The following CASZ1 variants were observed in gnomAD, a reference collection of about 807,000 sequenced individuals.
CASZ1 encodes the protein castor zinc finger 1, also known as zinc finger protein castor homolog 1.
In CASZ1, 28 loss-of-function variants were observed where a neutral mutation model predicts 135.2. The ratio of observed to expected loss-of-function variants is 0.21; its 90% CI spans 0.15 to 0.28. The LOEUF is 0.28. Among genes scored for constraint, CASZ1 ranks in the 10% least tolerant of loss-of-function variants. CASZ1 has a pLI of 1.00. For missense variants in CASZ1, 2,161 were observed against 2,453.3 expected (o/e 0.88, Z 2.52); for synonymous variants, 1,068 against 1,073.4 (o/e 0.99, Z 0.10).
chr1:10,678,787 G>T (rs2100350084), intron 4 of CASZ1, among the ~76,000 whole-genome samples: 1 of 151,704 alleles, frequency 6.6e-6, no homozygotes, highest in South Asian at 2.1e-4. Context: ...ACGCTATATC[G>T]CTATCCAATC....
At chr1:10,781,622 G>A (rs552296719) in intron 1 of CASZ1, among the ~76,000 whole-genome samples, 5 of 152,304 alleles carry the variant, frequency 3.3e-5, no homozygotes, top group Admixed American at 6.5e-5. Context: ...CTGGGATGAC[G>A]CTTCAGCCTG....
In CASZ1 at chr1:10,657,031, C is replaced by G. The variant is rs750206103; in HGVS notation, c.1410-295G>C. On this transcript the variant is annotated intron_variant, in intron 7 of 20. Coordinates refer to ENST00000377022, the MANE Select transcript of CASZ1 (RefSeq NM_001079843.3). This position sits in a 1 kb window ranked among gnomAD's most constrained non-coding sequence, Gnocchi z 5.7. ...GAAGGGAAGGCAGGCGCCCCCTCGG[C>G]TGCCCACCTGTCTTTTCTGCAGGGG... Among the ~76,000 whole-genome samples, 73 of 152,284 alleles carry G rather than the reference C, an allele frequency of 4.8e-4. No individual in the cohort carries two copies. The highest frequency in any genetic ancestry group is 1.1e-3 in the Admixed American group (17 of 15,308).
In CASZ1 at chr1:10,725,361, C is replaced by T. The variant is rs988498698; in HGVS notation, c.-76-19817G>A. On this transcript the variant is annotated intron_variant, in intron 2 of 20. Transcript: ENST00000377022. This position sits in a 1 kb window ranked among gnomAD's most constrained non-coding sequence, Gnocchi z 4.4. ...GAGCTCCCCTCCCGCCCTCCCTCTC[C>T]GGCAGGCTCCTCTCAAGTACTGAGC... Among the ~76,000 whole-genome samples, 4 of 152,152 alleles carry T rather than the reference C, an allele frequency of 2.6e-5. No individual in the cohort carries two copies. Among genetic ancestry groups the T allele is most frequent in the Non-Finnish European group, 4.4e-5 (3 of 67,996 alleles).
rs1250219424 is a variant in CASZ1, at chr1:10,637,517, C to T, written c.*1425G>A. ...GGGGAGGAGGCTTCTGGATGACAGC[C>T]TCCCCGCCAGCCTTCCATTCCCTCC... On this transcript the variant is annotated 3_prime_UTR_variant, in exon 21 of 21. Coordinates refer to ENST00000377022, the MANE Select transcript of CASZ1 (RefSeq NM_001079843.3). 6.6e-6 allele frequency: 1 copy of T among 152,366 alleles called. No individual in the cohort carries two copies. The highest frequency in any genetic ancestry group is 1.5e-5 in the Non-Finnish European group (1 of 68,054). The allele number at this position is 152,366 out of a possible 1,614,324, so 9.4% of individuals were successfully genotyped here. A position where few individuals can be genotyped will look rare whatever the true frequency, so the allele number is the denominator to read the frequency against.
intron 4 of CASZ1, among the ~76,000 whole-genome samples, chr1:10,670,946 G>A (rs1434922180): frequency 1.3e-5 from 2 of 152,228 alleles, no homozygotes; most frequent in African/African-American, 4.8e-5. Flanking sequence ...AGTTCTGTGG[G>A]AGGAATGGTT....
intron 1 of CASZ1, among the ~76,000 whole-genome samples, chr1:10,784,093 G>A (rs1366327089): frequency 1.3e-5 from 2 of 152,102 alleles, no homozygotes; most frequent in Non-Finnish European, 2.9e-5. Flanking sequence ...GGTCCTAAGT[G>A]GGAAAAGAAG....
intron 2 of CASZ1, among the ~76,000 whole-genome samples, chr1:10,729,901 C>T (rs1388334823): frequency 1.3e-5 from 2 of 150,948 alleles, no homozygotes; most frequent in Admixed American, 6.6e-5. Flanking sequence ...CTGCAACTTC[C>T]GCCTCCCAGG....
chr1:10,770,356 A>G (rs1640552995), intron 1 of CASZ1, among the ~76,000 whole-genome samples: 1 of 152,238 alleles, frequency 6.6e-6, no homozygotes, highest in Non-Finnish European at 1.5e-5. Context: ...AAGTGCTGGG[A>G]GTACAGGTGT....
rs78036358 is a variant in CASZ1 at position 10,721,638 on chromosome 1, C to T, written c.-76-16094G>A. On this transcript the variant is annotated intron_variant, in intron 2 of 20. Transcript: ENST00000377022. The surrounding 1 kb of genome is among the most constrained non-coding windows in gnomAD (Gnocchi z 5.4). The stretch of plus-strand genomic sequence containing the variant: ...CCATCAGAGCCCACGGGGGGCTGGA[C>T]GAGGGTGGAGGGTACGCCAGTGACC... Among the ~76,000 whole-genome samples, 5,451 of 152,256 alleles carry T rather than the reference C, an allele frequency of 0.036. 132 individuals are homozygous for T. Among genetic ancestry groups the T allele is most frequent in the Admixed American group, 0.047 (715 of 15,302 alleles).
intron 2 of CASZ1, among the ~76,000 whole-genome samples, chr1:10,758,731 G>A (rs1157596950): frequency 6.6e-6 from 1 of 152,214 alleles, no homozygotes; most frequent in Non-Finnish European, 1.5e-5. Context: ...CTGCAGACCA[G>A]ACCTACGCAC....
In CASZ1 at chr1:10,665,046, C is replaced by T. The variant is rs926952471; in HGVS notation, c.505+37G>A. On this transcript the variant is annotated intron_variant, in intron 5 of 20. Coordinates refer to ENST00000377022, the MANE Select transcript of CASZ1 (RefSeq NM_001079843.3). ...CCCCTTCCCCACTGGCCTCCCTGTC[C>T]TGGCCTTCAGCCTCCCTTCGAAGGC... is the stretch of plus-strand genomic sequence containing the variant. The T allele has an allele frequency of 2.0e-6, 3 of 1,493,872 alleles. No individual in the cohort carries two copies. The African/African-American group carries it at 4.2e-5, about 21-fold the overall frequency. 92.5% of individuals were successfully genotyped at this position (1,493,872 alleles called of 1,614,324 possible).
chr1:10,643,026 G>A (rs74722971), intron 19 of CASZ1, 26 bp from the exon 20 acceptor site: 2 of 1,608,658 alleles, frequency 1.2e-6, no homozygotes, highest in African/African-American at 1.3e-5. Context: ...GGTCCCTGAG[G>A]AAGTGGGGCT....
At position 10,666,519 on chromosome 1, in the gene CASZ1, G is replaced by T. The variant is rs1643239679; in HGVS notation, c.17-948C>A. ...CCAGCCCACTTCCCAGCCCCCAGGA[G>T]CTCCAGCAGGTGCAGGGTGGGATCG... On this transcript the variant is annotated intron_variant, in intron 4 of 20. Transcript: ENST00000377022. The surrounding 1 kb of genome is among the most constrained non-coding windows in gnomAD (Gnocchi z 5.2). Among the ~76,000 whole-genome samples, 1 of 152,184 alleles carries T rather than the reference G, an allele frequency of 6.6e-6. No individual in the cohort carries two copies. Among genetic ancestry groups the T allele is most frequent in the South Asian group, 2.1e-4 (1 of 4,822 alleles).
intron 2 of CASZ1, among the ~76,000 whole-genome samples, chr1:10,730,794 T>A (rs1460058544): frequency 6.6e-6 from 1 of 152,244 alleles, no homozygotes; most frequent in Non-Finnish European, 1.5e-5. Context: ...GTAATGATAC[T>A]AATGACTGTG....
chr1:10,659,580 GGAT>G, intron 6 of CASZ1, 119 bp downstream of exon 6: 8 of 739,390 alleles, frequency 1.1e-5, no homozygotes, highest in South Asian at 3.4e-5. Context: ...GATGCACAGT[GGAT>G]GTGTATAAGG....
intron 4 of CASZ1, among the ~76,000 whole-genome samples, chr1:10,689,984 C>A (rs1424901564): frequency 6.6e-6 from 1 of 152,256 alleles, no homozygotes; most frequent in Non-Finnish European, 1.5e-5. Context: ...GCCAAGATGG[C>A]CCCAGAGCAC....
At chr1:10,659,390 G>A (rs543324930) in intron 6 of CASZ1, among the ~76,000 whole-genome samples, 1 of 152,358 alleles carries the variant, frequency 6.6e-6, no homozygotes, top group African/African-American at 2.4e-5. Context: ...CTGGGAGTGT[G>A]GGCGTGTGTG....
At position 10,653,936 on chromosome 1, in the gene CASZ1, G is replaced by A. The variant is rs774487879; in HGVS notation, c.2121C>T (p.Pro707=). 1.9e-6 allele frequency: 3 copies of A among 1,613,580 alleles called. No individual in the cohort carries two copies. The highest frequency in any genetic ancestry group is 1.1e-5 in the South Asian group (1 of 91,036). Residue 707 remains proline, a synonymous_variant, in exon 11 of 21, where the codon CCC becomes CCT. Coordinates refer to ENST00000377022, the MANE Select transcript of CASZ1 (RefSeq NM_001079843.3). ...IRSSGALGLP[P]SLLGAKDTEH... is the part of the protein sequence containing the mutation. Reference sequence around the variant, plus strand: ...CCGTGTCCTTGGCGCCCAGCAGCGAGGGCGGCAGCCCCAGCGCGCCCGAGG... The same window carrying A: ...CCGTGTCCTTGGCGCCCAGCAGCGAAGGCGGCAGCCCCAGCGCGCCCGAGG...
rs1021443893 is a variant in CASZ1 at position 10,699,026 on chromosome 1, G to C, written c.-23-5114C>G. On this transcript the variant is annotated intron_variant, in intron 3 of 20. Coordinates refer to ENST00000377022, the MANE Select transcript of CASZ1 (RefSeq NM_001079843.3). This position sits in a 1 kb window ranked among gnomAD's most constrained non-coding sequence, Gnocchi z 4.6. ...CCACCCATGGCCTGGCCTGGGTTGG[G>C]GGTGGGAGCAAGATGGAGCCTGGGG... 4.6e-5 allele frequency among the ~76,000 whole-genome samples: 7 copies of C among 152,200 alleles called. No individual in the cohort carries two copies. Among genetic ancestry groups the C allele is most frequent in the African/African-American group, 1.7e-4 (7 of 41,452 alleles).
Sources: allele counts gnomAD v4.1 joint callset (sites outside exome capture counted in the v4.1 genomes callset), GRCh38; gene constraint gnomAD v4.1.1; non-coding constraint Gnocchi (gnomAD v3.1); transcripts MANE v1.5; gene names NCBI Gene and HGNC (gene_info 2026-07-23, HGNC 2026-07-21).